FRMD4B: variants seen among roughly 807,000 people sequenced by gnomAD.
FRMD4B encodes FERM domain containing 4B, also known as FERM domain-containing protein 4B.
FRMD4B carries 74 observed loss-of-function variants against 141.5 expected under a neutral mutation model. That is an observed-to-expected ratio of 0.52 (90% CI 0.43 to 0.63). The LOEUF (loss-of-function observed/expected upper bound fraction) is 0.63. Among genes scored for constraint, FRMD4B ranks in the 30% least tolerant of loss-of-function variants. The probability of loss-of-function intolerance (pLI) is 0.00; values close to 1 mark genes in which losing one functional copy is unlikely to be tolerated. For missense variants in FRMD4B, 1,366 were observed against 1,253.4 expected (o/e 1.09, Z -1.36); for synonymous variants, 506 against 467.9 (o/e 1.08, Z -1.05).
At chr3:69,192,497 CA>C (rs2092849262) in intron 17 of FRMD4B, among the ~76,000 whole-genome samples, 1 of 152,144 alleles carries the variant, frequency 6.6e-6, no homozygotes, top group Non-Finnish European at 1.5e-5. Flanking sequence ...TTTCAGTCAC[CA>C]GGCTGAAAAC....
intron 1 of FRMD4B, among the ~76,000 whole-genome samples, chr3:69,437,900 C>T (rs1344364073): frequency 8.6e-4 from 111 of 129,508 alleles, no homozygotes; most frequent in African/African-American, 3.1e-3. Flanking sequence ...ATAATATATA[C>T]TATTATTGTA....
chr3:69,527,650 C>T (rs1700949705), intron 1 of FRMD4B, among the ~76,000 whole-genome samples: 1 of 152,150 alleles, frequency 6.6e-6, no homozygotes, highest in African/African-American at 2.4e-5. Flanking sequence ...CATAATCTTT[C>T]AGAGGTTGAA....
intron 2 of FRMD4B, among the ~76,000 whole-genome samples, chr3:69,429,193 T>C (rs1444327385): frequency 1.3e-5 from 2 of 152,218 alleles, no homozygotes; most frequent in East Asian, 1.9e-4. Context: ...ATAATTTTGC[T>C]ATTATAACAA....
chr3:69,471,685 G>T, intron 1 of FRMD4B: 1 of 171,506 alleles, frequency 5.8e-6, no homozygotes, highest in South Asian at 1.5e-4. Context: ...ATTCCTCAAT[G>T]AGCTCTGTTA....
intron 1 of FRMD4B, among the ~76,000 whole-genome samples, chr3:69,341,137 T>C (rs1702725660): frequency 6.6e-6 from 1 of 152,204 alleles, no homozygotes; most frequent in Non-Finnish European, 1.5e-5. Context: ...AAGAATACTG[T>C]AAAGCAAGAT....
At chr3:69,255,064 A>T (rs1010416301) in intron 5 of FRMD4B, among the ~76,000 whole-genome samples, 1 of 152,220 alleles carries the variant, frequency 6.6e-6, no homozygotes, top group African/African-American at 2.4e-5. Flanking sequence ...GAAATATTAC[A>T]AGGACGTTAC....
rs139624987 is a variant in FRMD4B at position 69,354,934 on chromosome 3, G to A, written c.162+30894C>T. Among the ~76,000 whole-genome samples the A allele has an allele frequency of 1.1e-3, 170 of 152,138 alleles. 1 individual carries two copies. The East Asian group carries it at 0.029, about 26-fold the overall frequency. On this transcript the variant is annotated intron_variant, in intron 1 of 22. Transcript: ENST00000398540. ...ATATTTAGTAATTATTTGTGAGCAC[G>A]TGACCTCCCAATTGGACGGGTTGGA...
chr3:69,226,372 T>C (rs948251828), intron 7 of FRMD4B, among the ~76,000 whole-genome samples: 3 of 152,042 alleles, frequency 2.0e-5, no homozygotes, highest in African/African-American at 7.2e-5. Context: ...ACTCCCAGTA[T>C]ATTTATTTTT....
chr3:69,198,708 C>G lies in FRMD4B; in HGVS notation c.943G>C (p.Asp315His), dbSNP rs199535502. Residue 315 changes from aspartate to histidine, a missense_variant, in exon 12 of 23, where the codon GAT (aspartate) becomes CAT (histidine). By Grantham distance (81) the Asp-to-His change is moderately conservative. Transcript: ENST00000398540. ...REKKFAVEVH[D>H]PRRISVSRRT... is the part of the protein sequence containing the mutation. ...GTCTTTGATCCTCACCTTCGTGGAT[C>G]ATGAACTTCAACAGCAAATTTTTTC... 89 of 1,535,188 alleles carry G rather than the reference C, an allele frequency of 5.8e-5. No individual in the cohort carries two copies. Among genetic ancestry groups the G allele is most frequent in the Non-Finnish European group, 4.5e-6 (5 of 1,121,064 alleles).
intron 5 of FRMD4B, among the ~76,000 whole-genome samples, chr3:69,268,406 C>A (rs1030285449): frequency 6.6e-6 from 1 of 151,892 alleles, no homozygotes; most frequent in Admixed American, 6.5e-5. Flanking sequence ...AGATGAATAA[C>A]CAGTATTAAA....
At chr3:69,176,484 T>C in intron 22 of FRMD4B, 40 bp downstream of exon 22, 1 of 1,560,852 alleles carries the variant, frequency 6.4e-7, no homozygotes, top group Non-Finnish European at 8.8e-7. Flanking sequence ...TCTTTTGAAC[T>C]GGAACAGGCT....
chr3:69,429,488 C>T lies in FRMD4B; in HGVS notation c.-1+3146G>A, dbSNP rs183412192. Among the ~76,000 whole-genome samples, 71 of 152,088 alleles carry T rather than the reference C, an allele frequency of 4.7e-4. No individual in the cohort carries two copies. In the South Asian group the frequency reaches 6.5e-3, roughly 14 times the overall value. Reference sequence around the variant, plus strand: ...GCATGGTTATTTAAAATAGATATCCCGACACAAAGAAAAGATAAATATTCA... The same window carrying T: ...GCATGGTTATTTAAAATAGATATCCTGACACAAAGAAAAGATAAATATTCA... On this transcript the variant is annotated intron_variant, in intron 2 of 5. Coordinates refer to the FRMD4B transcript ENST00000459638.
intron 1 of FRMD4B, among the ~76,000 whole-genome samples, chr3:69,462,966 C>T (rs1705728390): frequency 6.6e-6 from 1 of 152,240 alleles, no homozygotes; most frequent in Non-Finnish European, 1.5e-5. Flanking sequence ...GTATTCACCT[C>T]CTTGCCCTCC....
intron 1 of FRMD4B, among the ~76,000 whole-genome samples, chr3:69,450,948 G>A (rs1020150466): frequency 6.6e-6 from 1 of 152,118 alleles, no homozygotes; most frequent in African/African-American, 2.4e-5. Flanking sequence ...CACACACTGG[G>A]GCTCTGACTA....
chr3:69,360,217 C>T (rs929177424), intron 1 of FRMD4B, among the ~76,000 whole-genome samples: 1 of 152,170 alleles, frequency 6.6e-6, no homozygotes. Flanking sequence ...CATTTTTCCA[C>T]CTAGTTTCAA....
chr3:69,264,185 C>A (rs535145047), intron 5 of FRMD4B, among the ~76,000 whole-genome samples: 1 of 152,246 alleles, frequency 6.6e-6, no homozygotes, highest in African/African-American at 2.4e-5. Flanking sequence ...TATTTGATGA[C>A]TCTGTTTACA....
intron 1 of FRMD4B, among the ~76,000 whole-genome samples, chr3:69,480,671 T>G: frequency 6.6e-6 from 1 of 152,124 alleles, no homozygotes; most frequent in Non-Finnish European, 1.5e-5. Flanking sequence ...AGGGACCCAC[T>G]TGAGGAGGCA....
intron 1 of FRMD4B, among the ~76,000 whole-genome samples, chr3:69,381,239 T>A (rs994592733): frequency 1.6e-4 from 25 of 152,230 alleles, no homozygotes; most frequent in Non-Finnish European, 2.6e-4. Context: ...GTCACTTGCT[T>A]CTCCAATATC....
chr3:69,490,759 G>A (rs942571148), intron 1 of FRMD4B, among the ~76,000 whole-genome samples: 12 of 152,104 alleles, frequency 7.9e-5, no homozygotes, highest in Non-Finnish European at 1.8e-4. Flanking sequence ...CTGAGGACGG[G>A]AGCTCTGTCA....
Sources: gnomAD v4.1 joint callset for allele counts (sites outside exome capture counted in the v4.1 genomes callset) on GRCh38, gnomAD v4.1.1 for gene constraint, MANE v1.5 for transcripts, NCBI Gene and HGNC (gene_info 2026-07-23, HGNC 2026-07-21) for gene names.